Variants in MDGA2 observed in about 807,000 individuals in gnomAD.
The protein encoded by MDGA2 is MAM domain-containing glycosylphosphatidylinositol anchor protein 2.
MDGA2 carries 40 observed loss-of-function variants against 117.8 expected under a neutral mutation model. The observed-to-expected ratio is 0.34, with a 90% CI of 0.26 to 0.44. The LOEUF (loss-of-function observed/expected upper bound fraction) is 0.44. Ranked by LOEUF, MDGA2 falls within the 20% of genes least tolerant of loss-of-function variation. MDGA2 has a pLI of 1.00. For synonymous variants in MDGA2, 452 were observed against 439.0 expected, an observed-to-expected ratio of 1.03 and a Z score of -0.37; for missense variants, 1,123 against 1,250.6, an observed-to-expected ratio of 0.90 and a Z score of 1.54.
chr14:47,178,350 A>C (rs1884561335), intron 3 of MDGA2, among the ~76,000 whole-genome samples: 1 of 152,162 alleles, frequency 6.6e-6, no homozygotes. Flanking sequence ...GAGGGCCACA[A>C]GGCTGACATC....
At chr14:47,652,040 T>C (rs904734848) in intron 1 of MDGA2, among the ~76,000 whole-genome samples, 1 of 152,140 alleles carries the variant, frequency 6.6e-6, no homozygotes, top group Non-Finnish European at 1.5e-5. Flanking sequence ...GTTTAAAAGT[T>C]GGCAGACAGG....
At chr14:47,184,324 T>C (rs1456071182) in intron 3 of MDGA2, among the ~76,000 whole-genome samples, 2 of 151,946 alleles carry the variant, frequency 1.3e-5, no homozygotes, top group Non-Finnish European at 2.9e-5. Context: ...TAGATAATAG[T>C]AGGGTAAAAC....
chr14:47,229,832 T>C (rs1459337953), intron 2 of MDGA2, among the ~76,000 whole-genome samples: 1 of 152,032 alleles, frequency 6.6e-6, no homozygotes, highest in African/African-American at 2.4e-5. Flanking sequence ...AAGCCCTTTT[T>C]TGTAATGAGA....
At chr14:47,082,987 T>A (rs1038118935) in intron 6 of MDGA2, among the ~76,000 whole-genome samples, 2 of 151,878 alleles carry the variant, frequency 1.3e-5, no homozygotes, top group Admixed American at 1.3e-4. Context: ...AATACAAGAC[T>A]GGTGAACAAG....
chr14:47,153,685 G>C (rs1433879701), intron 3 of MDGA2, among the ~76,000 whole-genome samples: 1 of 146,856 alleles, frequency 6.8e-6, no homozygotes, highest in Non-Finnish European at 1.5e-5. Flanking sequence ...ACTAAGTACA[G>C]GCAAAAAAAG....
intron 14 of MDGA2, among the ~76,000 whole-genome samples, chr14:46,862,236 T>A (rs1180030956): frequency 6.6e-6 from 1 of 151,726 alleles, no homozygotes; most frequent in Non-Finnish European, 1.5e-5. Flanking sequence ...TGGTCACCAC[T>A]CTCCAAAAAT....
At chr14:47,482,378 AAC>A (rs1049332579) in intron 1 of MDGA2, among the ~76,000 whole-genome samples, 13 of 152,130 alleles carry the variant, frequency 8.5e-5, no homozygotes, top group African/African-American at 2.9e-4. Context: ...ATTTCTTCTC[AAC>A]AGTTTTTATC....
At chr14:46,912,359 G>C (rs919679514) in intron 10 of MDGA2, among the ~76,000 whole-genome samples, 1 of 151,922 alleles carries the variant, frequency 6.6e-6, no homozygotes, top group Non-Finnish European at 1.5e-5. Flanking sequence ...TATTACTACT[G>C]TCTTCAGATG....
intron 8 of MDGA2, among the ~76,000 whole-genome samples, chr14:46,968,423 A>C (rs76310290): frequency 6.6e-6 from 1 of 152,114 alleles, no homozygotes; most frequent in African/African-American, 2.4e-5. Flanking sequence ...AGGCAGAGCA[A>C]TTAGGCAAGA....
At chr14:46,956,004 A>G (rs1042677797) in intron 9 of MDGA2, among the ~76,000 whole-genome samples, 4 of 152,088 alleles carry the variant, frequency 2.6e-5, no homozygotes, top group Non-Finnish European at 5.9e-5. Context: ...TAAATGAACT[A>G]ATTGGTGTTT....
intron 8 of MDGA2, among the ~76,000 whole-genome samples, chr14:47,030,674 C>CA (rs1240454943): frequency 6.6e-6 from 1 of 151,666 alleles, no homozygotes; most frequent in African/African-American, 2.4e-5. Context: ...GCCAAATATT[C>CA]AAAAAAATTG....
Position 47,674,760 on chromosome 14 carries a change from G to C in MDGA2, c.37C>G (p.Arg13Gly). Reference sequence around the variant, plus strand: ...TCTGTCCTTCCCCGGCGGCGGCGGCGAGCGGAGCGCAGGAGCCCCGCACTC... The same window carrying C: ...TCTGTCCTTCCCCGGCGGCGGCGGCCAGCGGAGCGCAGGAGCCCCGCACTC... ...VWSAGLLRSA[R>G]RRRRGRTDGR... Residue 13 changes from arginine (R) to glycine (G), a missense_variant, in exon 1 of 17, where the codon CGC (arginine) becomes GGC (glycine). Arg to Gly is a moderately radical substitution (Grantham distance 125). This residue lies in a region of MDGA2 where 233 missense variants were observed against 200.3 expected (regional missense o/e 1.16). Coordinates refer to ENST00000399232, the MANE Select transcript of MDGA2 (RefSeq NM_001113498.3). 1 of 706,946 alleles carries C rather than the reference G, an allele frequency of 1.4e-6. No individual in the cohort carries two copies. The highest frequency in any genetic ancestry group is 1.5e-5 in the South Asian group (1 of 66,766). 43.8% of individuals were successfully genotyped at this position (706,946 alleles called of 1,614,324 possible).
chr14:47,098,106 T>A (rs948900473), intron 5 of MDGA2, among the ~76,000 whole-genome samples: 13 of 151,912 alleles, frequency 8.6e-5, no homozygotes, highest in African/African-American at 3.1e-4. Context: ...AAGTTAGAGC[T>A]GTATTATATG....
chr14:47,153,001 A>C (rs574177514), intron 3 of MDGA2, among the ~76,000 whole-genome samples: 274 of 152,360 alleles, frequency 1.8e-3, no homozygotes, highest in Non-Finnish European at 2.5e-3. Flanking sequence ...TATCAGAGCC[A>C]ATATCAGATA....
chr14:46,945,504 C>T (rs553011260), intron 9 of MDGA2, among the ~76,000 whole-genome samples: 1 of 152,188 alleles, frequency 6.6e-6, no homozygotes, highest in East Asian at 1.9e-4. Context: ...GGTAAATCAC[C>T]TCATCCTTGT....
intron 1 of MDGA2, among the ~76,000 whole-genome samples, chr14:47,334,759 G>A (rs1324760108): frequency 6.6e-5 from 10 of 151,976 alleles, no homozygotes; most frequent in Admixed American, 5.9e-4. Flanking sequence ...TGGCATGACT[G>A]ATAATTCAAA....
chr14:47,342,122 G>T (rs1034626472), intron 1 of MDGA2, among the ~76,000 whole-genome samples: 21 of 151,878 alleles, frequency 1.4e-4, no homozygotes, highest in African/African-American at 5.1e-4. Context: ...AAGTGTTGGG[G>T]TTACAGGCGT....
chr14:47,633,639 G>A (rs1429050791), intron 1 of MDGA2, among the ~76,000 whole-genome samples: 2 of 152,082 alleles, frequency 1.3e-5, no homozygotes, highest in African/African-American at 2.4e-5. Flanking sequence ...CAAAATACTG[G>A]TATCACATCA....
At chr14:46,928,372 A>ATTAAATTATGGCTTAATAAC (rs1348699169) in intron 9 of MDGA2, among the ~76,000 whole-genome samples, 2 of 152,144 alleles carry the variant, frequency 1.3e-5, no homozygotes, top group African/African-American at 4.8e-5. Flanking sequence ...TTATGGCTGA[A>ATTAAATTATGGCTTAATAAC]TTCACTTATA....
Sources: gnomAD v4.1 joint callset for allele counts (sites outside exome capture counted in the v4.1 genomes callset) on GRCh38, gnomAD v4.1.1 for gene constraint, gnomAD v4.1.1 regional missense constraint, MANE v1.5 for transcripts, NCBI Gene and HGNC (gene_info 2026-07-23, HGNC 2026-07-21) for gene names.